The following AMTN variants were observed in gnomAD, a reference collection of about 807,000 sequenced individuals.
AMTN encodes RSTI689.
A neutral mutation model predicts 27.4 loss-of-function variants in AMTN; 29 were observed. The observed-to-expected ratio is 1.06, with a 90% confidence interval of 0.79 to 1.44. AMTN has a LOEUF of 1.44. Among genes scored for constraint, AMTN ranks in the 40% most tolerant of loss-of-function variants. The pLI, the probability that AMTN is intolerant of heterozygous loss-of-function variation, is 0.00. For synonymous variants in AMTN, 86 were observed against 95.7 expected (o/e 0.90, Z 0.59); for missense variants, 247 against 248.8 (o/e 0.99, Z 0.05).
At chr4:70,523,595 C>T (rs1015154038) in intron 3 of AMTN, among the ~76,000 whole-genome samples, 2 of 152,134 alleles carry the variant, frequency 1.3e-5, no homozygotes, top group African/African-American at 4.8e-5. Context: ...AAATTAAGTA[C>T]TGAAATAAAT....
chr4:70,524,156 T>G (rs1451592927), intron 4 of AMTN, among the ~76,000 whole-genome samples: 1 of 152,140 alleles, frequency 6.6e-6, no homozygotes, highest in African/African-American at 2.4e-5. Context: ...ATTAATCTAA[T>G]TCTTTCCTTC....
intron 5 of AMTN, among the ~76,000 whole-genome samples, chr4:70,528,325 A>G (rs1340088015): frequency 2.0e-5 from 3 of 152,160 alleles, no homozygotes; most frequent in Admixed American, 2.0e-4. Context: ...TTAGTAATAA[A>G]TATCTGTTTA....
At chr4:70,528,786 A>C in intron 6 of AMTN, 28 bp downstream of exon 6, 1 of 1,557,430 alleles carries the variant, frequency 6.4e-7, no homozygotes, top group Non-Finnish European at 8.7e-7. Context: ...TATTGTCTTG[A>C]TTTTAAATCA....
intron 5 of AMTN, 73 bp downstream of exon 5, chr4:70,525,034 AT>A: frequency 7.0e-7 from 1 of 1,429,132 alleles, no homozygotes; most frequent in East Asian, 2.3e-5. Flanking sequence ...TACAGTAGAA[AT>A]TTTTTAAAGC....
intron 5 of AMTN, among the ~76,000 whole-genome samples, chr4:70,527,235 T>A (rs1736119476): frequency 6.6e-6 from 1 of 152,342 alleles, no homozygotes; most frequent in South Asian, 2.1e-4. Flanking sequence ...AAACATGCGA[T>A]GTGTTATTAC....
chr4:70,521,640 C>CTGTTTTTTTTTTTT (rs1560572110), intron 2 of AMTN, among the ~76,000 whole-genome samples: 1 of 76,468 alleles, frequency 1.3e-5, no homozygotes, highest in Non-Finnish European at 2.3e-5. Flanking sequence ...ACCAACCTCT[C>CTGTTTTTTTTTTTT]TTTTTTTTTT....
intron 7 of AMTN, among the ~76,000 whole-genome samples, chr4:70,529,979 T>G (rs1200797569): frequency 2.7e-5 from 4 of 145,824 alleles, no homozygotes; most frequent in African/African-American, 5.2e-5. Context: ...ACCAGCACTT[T>G]AGCAGATCCT....
chr4:70,520,311 C>T (rs13151614), intron 2 of AMTN, among the ~76,000 whole-genome samples: 8 of 152,062 alleles, frequency 5.3e-5, no homozygotes, highest in African/African-American at 1.9e-4. Context: ...TGAAACATCA[C>T]GACACATAGA....
intron 3 of AMTN, 37 bp downstream of exon 3, chr4:70,522,875 T>C (rs2109770433): frequency 6.3e-7 from 1 of 1,586,880 alleles, no homozygotes; most frequent in Middle Eastern, 1.7e-4. Flanking sequence ...TACAAACCGG[T>C]AAAGAAAATA....
In AMTN at chr4:70,531,286, C is replaced by G; in HGVS notation, c.605C>G (p.Thr202Arg). ...RSTHAIEEATTESANGIQ is the reference protein window; with the variant it reads ...RSTHAIEEATRESANGIQ ...ACACATGCCATCGAGGAAGCCACCA[C>G]AGAATCAGCAAATGGTAAATTCTCC... The change falls in exon 8 of 9, where the codon ACA becomes AGA. Residue 202 changes from threonine (T) to arginine (R), a missense_variant. Transcript: ENST00000339336. The G allele has an allele frequency of 6.2e-7, 1 of 1,613,770 alleles. No homozygotes were observed. The highest frequency in any genetic ancestry group is 8.5e-7 in the Non-Finnish European group (1 of 1,179,734).
chr4:70,524,677 T>C (rs1009463160), intron 4 of AMTN, among the ~76,000 whole-genome samples, 195 bp from the exon 5 acceptor site: 4 of 152,222 alleles, frequency 2.6e-5, no homozygotes, highest in Non-Finnish European at 5.9e-5. Flanking sequence ...GCAATAGCCC[T>C]TGTAGTCGTA....
intron 3 of AMTN, 92 bp downstream of exon 3, chr4:70,522,930 G>A: frequency 1.6e-6 from 2 of 1,277,774 alleles, no homozygotes; most frequent in Non-Finnish European, 2.3e-6. Context: ...AAGACTGGTA[G>A]GTTTAAAATC....
Position 70,531,064 on chromosome 4 carries a change from T to A in AMTN, c.383T>A (p.Ile128Asn), listed in dbSNP as rs767610832. The stretch of plus-strand genomic sequence containing the variant: ...CCACAAATCTTCACGAGCCTCATCA[T>A]CCATTCCTTGTTCCCGGGAGGCATC... ...ELPQIFTSLI[I>N]HSLFPGGILP... The change falls in exon 8 of 9, where the codon ATC (isoleucine) becomes AAC (asparagine). Residue 128 changes from isoleucine to asparagine, a missense_variant. Ile to Asn is a moderately radical substitution (Grantham distance 149). Coordinates refer to ENST00000339336, the MANE Select transcript of AMTN (RefSeq NM_212557.4). The A allele has an allele frequency of 6.2e-7, 1 of 1,614,062 alleles. No individual in the cohort carries two copies. Among genetic ancestry groups the A allele is most frequent in the Non-Finnish European group, 8.5e-7 (1 of 1,179,974 alleles).
At chr4:70,532,137 A>AC (rs562602076) in intron 8 of AMTN, among the ~76,000 whole-genome samples, 84 of 152,264 alleles carry the variant, frequency 5.5e-4, no homozygotes, top group Non-Finnish European at 1.0e-3. Context: ...GAACCTTCCT[A>AC]CTGTAATACT....
chr4:70,531,523 G>A (rs887578787), intron 8 of AMTN, among the ~76,000 whole-genome samples: 1 of 152,060 alleles, frequency 6.6e-6, no homozygotes, highest in African/African-American at 2.4e-5. Context: ...AGTGTTTTTG[G>A]TTGTTTTGAG....
chr4:70,531,192 C>A lies in AMTN; in HGVS notation c.511C>A (p.Arg171Ser). The A allele has an allele frequency of 6.2e-7, 1 of 1,614,000 alleles. No individual in the cohort carries two copies. Among genetic ancestry groups the A allele is most frequent in the East Asian group, 2.2e-5 (1 of 44,822 alleles). Residue 171 changes from arginine (R) to serine (S), a missense_variant, in exon 8 of 9, where the codon CGC becomes AGC. By Grantham distance (110) the Arg-to-Ser change is moderately radical. Coordinates refer to ENST00000339336, the MANE Select transcript of AMTN (RefSeq NM_212557.4). Reference protein sequence around the residue: ...NPATQGTPAGRLPTPSGTDDD... With the variant: ...NPATQGTPAGSLPTPSGTDDD... ...TGCCACCCAGGGAACCCCAGCAGGC[C>A]GCCTCCCAACTCCCAGTGGCACAGA... is the stretch of plus-strand genomic sequence containing the variant.
chr4:70,523,289 G>A (rs1389275287), intron 3 of AMTN, among the ~76,000 whole-genome samples: 1 of 152,138 alleles, frequency 6.6e-6, no homozygotes, highest in African/African-American at 2.4e-5. Flanking sequence ...CTGATGTGTT[G>A]ATGTGTTGCT....
intron 3 of AMTN, 31 bp from the exon 4 acceptor site, chr4:70,523,835 CTT>C (rs1736031316): frequency 6.4e-7 from 1 of 1,569,692 alleles, no homozygotes; most frequent in Non-Finnish European, 8.8e-7. Context: ...CAGACAACCT[CTT>C]GTCTCATACA....
rs1736248684 is a variant in AMTN, at chr4:70,532,577, A to C, written c.*112A>C. 1 of 963,946 alleles carries C rather than the reference A, an allele frequency of 1.0e-6. No homozygotes were observed. Among genetic ancestry groups the C allele is most frequent in the Admixed American group, 2.7e-5 (1 of 37,194 alleles). 59.7% of individuals were successfully genotyped at this position (963,946 alleles called of 1,614,324 possible). On this transcript the variant is annotated 3_prime_UTR_variant, in exon 9 of 9. Coordinates refer to ENST00000339336, the MANE Select transcript of AMTN (RefSeq NM_212557.4). ...AGACACATTGGATAGTCTTAGAAGAAATTAATTCTTAATTTACCTGAAAAT... is the reference window on the plus strand; with the variant it reads ...AGACACATTGGATAGTCTTAGAAGACATTAATTCTTAATTTACCTGAAAAT...
Sources: gnomAD v4.1 joint callset for allele counts (sites outside exome capture counted in the v4.1 genomes callset) on GRCh38, gnomAD v4.1.1 for gene constraint, MANE v1.5 for transcripts, NCBI Gene and HGNC (gene_info 2026-07-23, HGNC 2026-07-21) for gene names.